The following TMEM132D variants were observed in gnomAD, a reference collection of about 807,000 sequenced individuals.
TMEM132D encodes the protein transmembrane protein 132D, also known as mature OL transmembrane protein.
Under a neutral mutation model 62.3 loss-of-function variants are expected in TMEM132D, and 21 were observed. The ratio of observed to expected loss-of-function variants is 0.34; its 90% CI spans 0.24 to 0.49. The LOEUF is 0.49. Ranked by LOEUF, TMEM132D falls within the 20% of genes least tolerant of loss-of-function variation. The pLI is 0.99. For synonymous variants in TMEM132D, 621 were observed against 575.6 expected (o/e 1.08, Z -1.13); for missense variants, 1,346 against 1,402.8 (o/e 0.96, Z 0.65).
In TMEM132D at chr12:129,571,664, A is replaced by G. The variant is rs148346495; in HGVS notation, c.969-40459T>C. ...AACAGCAGAAGTGGCTTGCATGTGC[A>G]CCGTGGGCTCATTTCGAAAAAGGGG... On this transcript the variant is annotated intron_variant, in intron 2 of 8. Transcript: ENST00000422113. 2.8e-3 allele frequency among the ~76,000 whole-genome samples: 422 copies of G among 152,224 alleles called. 3 individuals carry two copies. Among genetic ancestry groups the G allele is most frequent in the African/African-American group, 9.3e-3 (387 of 41,548 alleles).
chr12:129,309,351 A>T (rs1881918171), intron 4 of TMEM132D, among the ~76,000 whole-genome samples: 1 of 152,198 alleles, frequency 6.6e-6, no homozygotes, highest in African/African-American at 2.4e-5. Flanking sequence ...TCTAATTACT[A>T]GTTCAATAAT....
chr12:129,492,978 C>T (rs1874845470), intron 3 of TMEM132D, among the ~76,000 whole-genome samples: 1 of 152,112 alleles, frequency 6.6e-6, no homozygotes, highest in African/African-American at 2.4e-5. Context: ...CAAGTCACCC[C>T]GCGGAACCTC....
intron 4 of TMEM132D, among the ~76,000 whole-genome samples, chr12:129,297,467 C>A (rs1881605857): frequency 6.6e-6 from 1 of 152,162 alleles, no homozygotes; most frequent in South Asian, 2.1e-4. Flanking sequence ...GCTGAGAAAG[C>A]AGGTCTGCAG....
intron 1 of TMEM132D, among the ~76,000 whole-genome samples, chr12:129,700,953 C>G (rs1039725472): frequency 6.6e-6 from 1 of 152,126 alleles, no homozygotes; most frequent in Non-Finnish European, 1.5e-5. Flanking sequence ...AAATACAATT[C>G]AAATACAGTT....
intron 1 of TMEM132D, among the ~76,000 whole-genome samples, chr12:129,787,512 G>A (rs576061862): frequency 1.3e-5 from 2 of 152,284 alleles, no homozygotes; most frequent in South Asian, 2.1e-4. Flanking sequence ...CAGAAAGAGC[G>A]AAGTTTTATT....
At chr12:129,811,165 A>G (rs1049895919) in intron 1 of TMEM132D, among the ~76,000 whole-genome samples, 2 of 151,794 alleles carry the variant, frequency 1.3e-5, no homozygotes, top group Non-Finnish European at 2.9e-5. Flanking sequence ...ACCGAAGAAC[A>G]TAAAATGTTT....
chr12:129,877,634 G>C (rs879558065), intron 1 of TMEM132D, among the ~76,000 whole-genome samples: 1,908 of 144,186 alleles, frequency 0.013, 13 homozygotes, highest in African/African-American at 0.028. Context: ...CACACAGAGA[G>C]AGAGAGAGAG....
chr12:129,102,523 C>G (rs1286469662), intron 5 of TMEM132D, among the ~76,000 whole-genome samples: 1 of 150,678 alleles, frequency 6.6e-6, no homozygotes, highest in Non-Finnish European at 1.5e-5. Flanking sequence ...CACACGCACA[C>G]ACACAACACA....
chr12:129,169,831 C>T (rs570717717), intron 5 of TMEM132D, among the ~76,000 whole-genome samples: 1 of 152,198 alleles, frequency 6.6e-6, no homozygotes, highest in Non-Finnish European at 1.5e-5. Flanking sequence ...TGTGTCTAAA[C>T]ACCACTTCCA....
At chr12:129,207,654 T>C (rs771559047) in intron 5 of TMEM132D, among the ~76,000 whole-genome samples, 2 of 152,178 alleles carry the variant, frequency 1.3e-5, no homozygotes, top group Non-Finnish European at 2.9e-5. Context: ...CCAGAGGGGC[T>C]GTGCCTAGCG....
intron 3 of TMEM132D, among the ~76,000 whole-genome samples, chr12:129,476,036 G>T (rs1874246873): frequency 6.6e-6 from 1 of 152,200 alleles, no homozygotes; most frequent in Non-Finnish European, 1.5e-5. Flanking sequence ...GTGGGTGTTT[G>T]AGTACCATGT....
At chr12:129,522,670 G>A (rs1875885902) in intron 3 of TMEM132D, 1 of 152,126 alleles carries the variant, frequency 6.6e-6, no homozygotes, top group South Asian at 2.1e-4. Flanking sequence ...AGACTATTTC[G>A]GAGAGATGCA....
chr12:129,090,919 C>G (rs1307933426), intron 5 of TMEM132D, among the ~76,000 whole-genome samples: 2 of 152,194 alleles, frequency 1.3e-5, no homozygotes, highest in East Asian at 3.9e-4. Context: ...TATGGTCTAC[C>G]TCATCACTCT....
At chr12:129,550,234 A>AT (rs11285078) in intron 2 of TMEM132D, among the ~76,000 whole-genome samples, 7 of 151,880 alleles carry the variant, frequency 4.6e-5, no homozygotes, top group South Asian at 2.1e-4. Context: ...CCATACTGGT[A>AT]TTTTTTTTTC....
chr12:129,081,709 G>A (rs2135615498), intron 7 of TMEM132D, 50 bp downstream of exon 7: 1 of 1,533,764 alleles, frequency 6.5e-7, no homozygotes, highest in South Asian at 1.3e-5. Context: ...TAGAGCAGAG[G>A]TGGGAAGACA....
intron 1 of TMEM132D, among the ~76,000 whole-genome samples, chr12:129,883,583 T>C (rs1033560285): frequency 2.0e-5 from 3 of 152,212 alleles, no homozygotes; most frequent in Non-Finnish European, 4.4e-5. Flanking sequence ...AGATTTAGAA[T>C]AGACAAAACA....
chr12:129,299,593 C>T (rs1881659337), intron 4 of TMEM132D, among the ~76,000 whole-genome samples: 1 of 151,192 alleles, frequency 6.6e-6, no homozygotes, highest in African/African-American at 2.4e-5. Context: ...AGCCCCACCC[C>T]ACCTCTCATC....
chr12:129,570,055 T>C (rs1877469297), intron 2 of TMEM132D, among the ~76,000 whole-genome samples: 2 of 152,180 alleles, frequency 1.3e-5, no homozygotes, highest in Admixed American at 1.3e-4. Flanking sequence ...TTGGTAGTTT[T>C]CTGTTGGCTG....
intron 1 of TMEM132D, among the ~76,000 whole-genome samples, chr12:129,813,672 C>T (rs1478488620): frequency 2.0e-5 from 3 of 148,158 alleles, no homozygotes; most frequent in Non-Finnish European, 4.5e-5. Context: ...TCCAAAAAAT[C>T]GAGTTGAGGA....
Sources: allele counts gnomAD v4.1 joint callset (sites outside exome capture counted in the v4.1 genomes callset), GRCh38; gene constraint gnomAD v4.1.1; transcripts MANE v1.5; gene names NCBI Gene and HGNC (gene_info 2026-07-23, HGNC 2026-07-21).